The following MERTK variants were observed in gnomAD, a reference collection of about 807,000 sequenced individuals.
MERTK encodes MER proto-oncogene, tyrosine kinase.
A neutral mutation model predicts 99.3 loss-of-function variants in MERTK; 69 were observed. That is an observed-to-expected ratio of 0.70 (90% CI 0.57 to 0.85). The LOEUF (loss-of-function observed/expected upper bound fraction) is 0.85, where lower values mean the gene tolerates loss of function less well. Ranked by LOEUF, MERTK falls within the 40% of genes least tolerant of loss-of-function variation. The pLI, the probability that MERTK is intolerant of heterozygous loss-of-function variation, is 0.00. For missense variants in MERTK, 1,125 were observed against 1,249.4 expected, an observed-to-expected ratio of 0.90 and a Z score of 1.50; for synonymous variants, 426 against 467.6, an observed-to-expected ratio of 0.91 and a Z score of 1.15.
intron 8 of MERTK, 72 bp from the exon 9 acceptor site, chr2:111,994,179 G>A (rs954198289): frequency 6.4e-7 from 1 of 1,553,772 alleles, no homozygotes; most frequent in African/African-American, 1.4e-5. Context: ...TCCCTCAGAA[G>A]GAACTGTAGA....
intron 18 of MERTK, among the ~76,000 whole-genome samples, chr2:112,024,442 A>G (rs1215721426): frequency 6.6e-6 from 1 of 152,214 alleles, no homozygotes; most frequent in African/African-American, 2.4e-5. Context: ...AGTCAGGCAG[A>G]GAGGGGCGAA....
chr2:111,946,311 A>G (rs937618813), intron 3 of MERTK, among the ~76,000 whole-genome samples: 1 of 152,212 alleles, frequency 6.6e-6, no homozygotes, highest in Non-Finnish European at 1.5e-5. Flanking sequence ...GAGCAGGAAC[A>G]TATTAAGTCC....
chr2:111,915,155 A>C (rs917195169), intron 1 of MERTK, among the ~76,000 whole-genome samples: 1 of 152,174 alleles, frequency 6.6e-6, no homozygotes, highest in Non-Finnish European at 1.5e-5. Context: ...CACTTCCTCT[A>C]TGCTACCAAA....
chr2:111,980,512 G>A (rs11680354), intron 7 of MERTK, among the ~76,000 whole-genome samples: 92,813 of 148,676 alleles, frequency 0.62, 29,021 homozygotes, highest in Middle Eastern at 0.7. Flanking sequence ...TCTGCCTCCC[G>A]GGTTCATGCC....
At chr2:111,967,189 G>A (rs1215304173) in intron 5 of MERTK, among the ~76,000 whole-genome samples, 1 of 152,198 alleles carries the variant, frequency 6.6e-6, no homozygotes, top group Admixed American at 6.5e-5. Context: ...TCCAGGGTCA[G>A]GCAGACCAGA....
intron 1 of MERTK, chr2:111,913,167 A>C (rs1261890344): frequency 2.1e-5 from 14 of 677,966 alleles, no homozygotes; most frequent in Non-Finnish European, 2.5e-5. Context: ...CCAGGAATCA[A>C]GGACAAAGGC....
Position 111,992,408 on chromosome 2 carries a change from T to C in MERTK, c.1297-1843T>C, listed in dbSNP as rs1676640000. On this transcript the variant is annotated intron_variant, in intron 8 of 18. Transcript: ENST00000295408. ...CATGAAAGCTCTGCACCCCTTCCCA[T>C]GTGCCTTGCCCTGTATAGCTCTTCA... Among the ~76,000 whole-genome samples, 7 of 152,066 alleles carry C rather than the reference T, an allele frequency of 4.6e-5. No individual in the cohort carries two copies. In the South Asian group the frequency reaches 1.2e-3, roughly 27 times the overall value.
At chr2:111,952,946 G>A (rs894761819) in intron 4 of MERTK, among the ~76,000 whole-genome samples, 1 of 152,156 alleles carries the variant, frequency 6.6e-6, no homozygotes, top group Admixed American at 6.5e-5. Context: ...TCATCTGTCA[G>A]AATATCTGAT....
intron 8 of MERTK, among the ~76,000 whole-genome samples, chr2:111,991,223 A>G (rs886479493): frequency 5.9e-5 from 9 of 152,164 alleles, no homozygotes; most frequent in Non-Finnish European, 1.3e-4. Flanking sequence ...AGTAAATACA[A>G]TGCTCTATTT....
chr2:111,900,486 A>G (rs1205487520), intron 1 of MERTK, among the ~76,000 whole-genome samples: 1 of 152,146 alleles, frequency 6.6e-6, no homozygotes, highest in Non-Finnish European at 1.5e-5. Context: ...ATAGTCTTGG[A>G]GGTAGTGAAT....
intron 1 of MERTK, among the ~76,000 whole-genome samples, chr2:111,918,146 A>G (rs989579172): frequency 6.6e-6 from 1 of 152,068 alleles, no homozygotes; most frequent in Non-Finnish European, 1.5e-5. Flanking sequence ...AGTTTTGAAA[A>G]TGCTTATTTA....
chr2:112,017,346 C>T (rs1188896490), intron 15 of MERTK, among the ~76,000 whole-genome samples: 1 of 152,176 alleles, frequency 6.6e-6, no homozygotes. Context: ...GGTGCATTTA[C>T]AATCCTCTAG....
intron 2 of MERTK, among the ~76,000 whole-genome samples, chr2:111,932,950 G>A (rs2104690641): frequency 6.6e-6 from 1 of 152,262 alleles, no homozygotes; most frequent in East Asian, 1.9e-4. Flanking sequence ...TTTGGTTGGA[G>A]ATGTTATTTG....
intron 8 of MERTK, among the ~76,000 whole-genome samples, chr2:111,985,361 G>A (rs894274052): frequency 6.6e-6 from 1 of 152,116 alleles, no homozygotes; most frequent in African/African-American, 2.4e-5. Context: ...GGAAGAGAGT[G>A]GGGTATTGCT....
At chr2:111,919,364 T>A (rs1027663184) in intron 1 of MERTK, among the ~76,000 whole-genome samples, 13 of 152,028 alleles carry the variant, frequency 8.6e-5, no homozygotes, top group East Asian at 1.9e-4. Flanking sequence ...GATTTTTTTT[T>A]AAATCCCAGT....
chr2:111,997,601 T>C, intron 10 of MERTK, 125 bp downstream of exon 10: 1 of 1,134,180 alleles, frequency 8.8e-7, no homozygotes, highest in Non-Finnish European at 1.3e-6. Flanking sequence ...GCCTTATGCA[T>C]ACCCTGGGCT....
At chr2:112,009,338 C>T (rs1677047572) in intron 14 of MERTK, among the ~76,000 whole-genome samples, 1 of 152,188 alleles carries the variant, frequency 6.6e-6, no homozygotes, top group African/African-American at 2.4e-5. Context: ...GCTTTGCAAG[C>T]ATGGGATCAG....
chr2:111,933,067 A>G (rs1684702576), intron 2 of MERTK, among the ~76,000 whole-genome samples: 1 of 152,232 alleles, frequency 6.6e-6, no homozygotes, highest in Non-Finnish European at 1.5e-5. Context: ...CAAGATGGCG[A>G]TACTCCTGCT....
chr2:112,023,884 T>TACACACACACACACAGAC (rs1553460007), intron 18 of MERTK, among the ~76,000 whole-genome samples: 3 of 150,098 alleles, frequency 2.0e-5, no homozygotes, highest in Non-Finnish European at 4.5e-5. Context: ...GCACCCTCCC[T>TACACACACACACACAGAC]ACACACACAC....
Sources: allele counts gnomAD v4.1 joint callset (sites outside exome capture counted in the v4.1 genomes callset), GRCh38; gene constraint gnomAD v4.1.1; transcripts MANE v1.5; gene names NCBI Gene and HGNC (gene_info 2026-07-23, HGNC 2026-07-21).